MLLT10: variants seen among roughly 807,000 people sequenced by gnomAD.
The protein encoded by MLLT10 is protein AF-10.
Under a neutral mutation model 129.1 loss-of-function variants are expected in MLLT10, and 30 were observed. That is an observed-to-expected ratio of 0.23 (90% CI 0.17 to 0.32). The LOEUF (loss-of-function observed/expected upper bound fraction) is 0.32. MLLT10 is among the 10% of genes least tolerant of loss of function. The probability of loss-of-function intolerance (pLI) is 1.00; values close to 1 mark genes in which losing one functional copy is unlikely to be tolerated. For synonymous variants in MLLT10, 490 were observed against 446.4 expected, an observed-to-expected ratio of 1.10 and a Z score of -1.23; for missense variants, 1,119 against 1,268.3, an observed-to-expected ratio of 0.88 and a Z score of 1.79.
intron 13 of MLLT10, among the ~76,000 whole-genome samples, chr10:21,701,739 A>G (rs2131472461): frequency 6.6e-6 from 1 of 151,994 alleles, no homozygotes; most frequent in African/African-American, 2.4e-5. Context: ...GGCATGTACC[A>G]CCACGCCTGG....
At position 21,534,527 on chromosome 10, in the gene MLLT10, G is replaced by T; in HGVS notation, c.-1+7G>T. On this transcript the variant is annotated splice_region_variant and intron_variant, in intron 1 of 22. Coordinates refer to ENST00000307729, the MANE Select transcript of MLLT10 (RefSeq NM_001195626.3). ...ACTGAGCGGCAAAGCCCGAGTGAGCGAGCGGTGGGCTGCCGGGCCGGGCGG... is the reference window on the plus strand; with the variant it reads ...ACTGAGCGGCAAAGCCCGAGTGAGCTAGCGGTGGGCTGCCGGGCCGGGCGG... The T allele has an allele frequency of 1.8e-6, 2 of 1,134,720 alleles. No homozygotes were observed. The highest frequency in any genetic ancestry group is 2.5e-6 in the Non-Finnish European group (2 of 814,876). The allele number at this position is 1,134,720 out of a possible 1,614,324, so 70.3% of individuals were successfully genotyped here. A position where few individuals can be genotyped will look rare whatever the true frequency, so the allele number is the denominator to read the frequency against.
chr10:21,606,071 T>C (rs1564495120), intron 5 of MLLT10, among the ~76,000 whole-genome samples: 3 of 152,210 alleles, frequency 2.0e-5, no homozygotes, highest in African/African-American at 7.2e-5. Flanking sequence ...TTTTCATTAT[T>C]ATATCTGTTA....
chr10:21,603,624 C>G (rs74120979), intron 5 of MLLT10, among the ~76,000 whole-genome samples: 1 of 152,032 alleles, frequency 6.6e-6, no homozygotes, highest in Admixed American at 6.6e-5. Flanking sequence ...TCATACACCC[C>G]CTGTAGTAGG....
At chr10:21,559,865 C>T (rs924586110) in intron 3 of MLLT10, among the ~76,000 whole-genome samples, 1 of 152,074 alleles carries the variant, frequency 6.6e-6, no homozygotes, top group African/African-American at 2.4e-5. Context: ...TTGATGGAAA[C>T]TTGGGTTGTT....
intron 5 of MLLT10, among the ~76,000 whole-genome samples, chr10:21,606,213 T>A (rs2044049494): frequency 2.0e-5 from 3 of 152,302 alleles, no homozygotes; most frequent in Admixed American, 6.5e-5. Flanking sequence ...CCTTGTTCCC[T>A]AAGACACAAC....
At chr10:21,581,842 T>G (rs1271478665) in intron 3 of MLLT10, among the ~76,000 whole-genome samples, 4 of 152,192 alleles carry the variant, frequency 2.6e-5, no homozygotes, top group African/African-American at 7.2e-5. Context: ...TTGCCCAGTC[T>G]CAGGTAGTTC....
intron 8 of MLLT10, among the ~76,000 whole-genome samples, chr10:21,621,319 AC>A (rs2045828856): frequency 1.5e-5 from 2 of 135,912 alleles, no homozygotes; most frequent in Non-Finnish European, 3.1e-5. Context: ...ATCTGGGCTT[AC>A]TGCAAGCTCC....
At chr10:21,704,609 C>T (rs1237667433) in intron 13 of MLLT10, among the ~76,000 whole-genome samples, 7 of 86,356 alleles carry the variant, frequency 8.1e-5, no homozygotes, top group African/African-American at 2.2e-4. Context: ...GTCTCTCTCT[C>T]GCTTTTTTTT....
At chr10:21,665,314 G>GGT (rs2050675171) in intron 9 of MLLT10, among the ~76,000 whole-genome samples, 2 of 91,970 alleles carry the variant, frequency 2.2e-5, no homozygotes, top group African/African-American at 4.5e-5. Context: ...GGGGGGGGGG[G>GGT]TTTCACTCTT....
At chr10:21,584,044 T>C (rs1216076857) in intron 3 of MLLT10, among the ~76,000 whole-genome samples, 1 of 151,932 alleles carries the variant, frequency 6.6e-6, no homozygotes, top group Non-Finnish European at 1.5e-5. Context: ...TAATTTTTTG[T>C]ATTTTTAATA....
rs553418555 is a variant in MLLT10, at chr10:21,718,908, G to C, written c.1878+4958G>C. ...CTGGCTAATTTTTGTGTTTTTGGTAGAGATGGGGTTTCACCATGTTGGCCA... is the reference window on the plus strand; with the variant it reads ...CTGGCTAATTTTTGTGTTTTTGGTACAGATGGGGTTTCACCATGTTGGCCA... On this transcript the variant is annotated intron_variant, in intron 14 of 22. Transcript: ENST00000307729. Among the ~76,000 whole-genome samples, 4 of 152,298 alleles carry C rather than the reference G, an allele frequency of 2.6e-5. No homozygotes were observed. The East Asian group carries it at 7.7e-4, about 29-fold the overall frequency.
At chr10:21,551,229 TATCTTTG>T (rs1306014592) in intron 3 of MLLT10, among the ~76,000 whole-genome samples, 1 of 151,420 alleles carries the variant, frequency 6.6e-6, no homozygotes, top group Non-Finnish European at 1.5e-5. Context: ...CCGGCCAACT[TATCTTTG>T]ATTTCTAAGT....
At chr10:21,727,031 T>C (rs2057568685) in intron 15 of MLLT10, among the ~76,000 whole-genome samples, 1 of 152,192 alleles carries the variant, frequency 6.6e-6, no homozygotes, top group South Asian at 2.1e-4. Context: ...ATTGCATCCT[T>C]AAGGATTGGT....
At chr10:21,663,359 G>C (rs2050406919) in intron 9 of MLLT10, among the ~76,000 whole-genome samples, 1 of 151,442 alleles carries the variant, frequency 6.6e-6, no homozygotes, top group Admixed American at 6.6e-5. Context: ...AAGTCTCTCT[G>C]TGCACTGATT....
rs77638362 is a variant in MLLT10 at position 21,735,609 on chromosome 10, A to C, written c.2955+374A>C. On this transcript the variant is annotated intron_variant, in intron 21 of 22. Coordinates refer to ENST00000307729, the MANE Select transcript of MLLT10 (RefSeq NM_001195626.3). ...TGGGGAAGAGCATAGGGAACCGAGG[A>C]CCATTTTAGATAGGATGGCCCCGCC... is the stretch of plus-strand genomic sequence containing the variant. 4.9e-3 allele frequency among the ~76,000 whole-genome samples: 745 copies of C among 152,276 alleles called. 4 individuals are homozygous for C. The highest frequency in any genetic ancestry group is 0.017 in the African/African-American group (710 of 41,548).
At chr10:21,569,742 A>C (rs2039998651) in intron 3 of MLLT10, among the ~76,000 whole-genome samples, 1 of 149,860 alleles carries the variant, frequency 6.7e-6, no homozygotes, top group South Asian at 2.1e-4. Context: ...TTTTTAAAAA[A>C]TCTTTTTGTA....
At chr10:21,616,480 ATACT>A (rs1260119431) in intron 7 of MLLT10, among the ~76,000 whole-genome samples, 1 of 152,068 alleles carries the variant, frequency 6.6e-6, no homozygotes, top group African/African-American at 2.4e-5. Flanking sequence ...TCTCACCTTC[ATACT>A]TAATTATGCA....
At chr10:21,646,111 C>T (rs913432165) in intron 8 of MLLT10, among the ~76,000 whole-genome samples, 1 of 152,120 alleles carries the variant, frequency 6.6e-6, no homozygotes, top group African/African-American at 2.4e-5. Context: ...TGGCTGTAGG[C>T]ATGATAATTG....
chr10:21,734,850 C>T (rs551859597), intron 20 of MLLT10, among the ~76,000 whole-genome samples: 5 of 152,212 alleles, frequency 3.3e-5, no homozygotes, highest in South Asian at 2.1e-4. Context: ...TTATTACATA[C>T]GCTTGTTAGA....
Sources: allele counts gnomAD v4.1 joint callset (sites outside exome capture counted in the v4.1 genomes callset), GRCh38; gene constraint gnomAD v4.1.1; transcripts MANE v1.5; gene names NCBI Gene and HGNC (gene_info 2026-07-23, HGNC 2026-07-21).